Variants in SOD1 observed in about 807,000 individuals in gnomAD.
The protein encoded by SOD1 is superoxide dismutase [Cu-Zn].
Under a neutral mutation model 15.9 loss-of-function variants are expected in SOD1, and 8 were observed. That is an observed-to-expected ratio of 0.50 (90% CI 0.30 to 0.91). SOD1 has a LOEUF of 0.91. Ranked by LOEUF, SOD1 falls within the 40% of genes least tolerant of loss-of-function variation. The pLI is 0.07. For missense variants in SOD1, 137 were observed against 194.5 expected (o/e 0.70, Z 1.76); for synonymous variants, 86 against 71.2 (o/e 1.21, Z -1.04).
intron 1 of SOD1, among the ~76,000 whole-genome samples, chr21:31,662,649 A>G (rs990925638): frequency 2.0e-5 from 3 of 152,226 alleles, no homozygotes; most frequent in Non-Finnish European, 4.4e-5. Flanking sequence ...AAGCAGTAGT[A>G]CGTCTGGTTA....
intron 2 of SOD1, 94 bp downstream of exon 2, chr21:31,663,980 T>C (rs1278880217): frequency 3.1e-6 from 3 of 956,076 alleles, no homozygotes; most frequent in Non-Finnish European, 5.0e-6. Flanking sequence ...CTCAACTTGT[T>C]TTTGTTTTTG....
At chr21:31,665,033 C>T (rs76067554) in intron 2 of SOD1, among the ~76,000 whole-genome samples, 2 of 152,104 alleles carry the variant, frequency 1.3e-5, no homozygotes, top group African/African-American at 4.8e-5. Flanking sequence ...AGCAAAGGGG[C>T]TGCATTTATT....
At chr21:31,665,970 GTT>G (rs397866461) in intron 2 of SOD1, among the ~76,000 whole-genome samples, 25 of 128,256 alleles carry the variant, frequency 1.9e-4, no homozygotes, top group Admixed American at 6.5e-4. Flanking sequence ...ACTTGGTGGG[GTT>G]TTTTTTTTTT....
chr21:31,663,560 G>C (rs2049567272), intron 1 of SOD1, among the ~76,000 whole-genome samples: 1 of 152,190 alleles, frequency 6.6e-6, no homozygotes, highest in Admixed American at 6.5e-5. Context: ...CAGGGTGCTT[G>C]TGCATTGAGT....
intron 1 of SOD1, among the ~76,000 whole-genome samples, chr21:31,663,162 G>A (rs2049563534): frequency 6.6e-6 from 1 of 150,822 alleles, no homozygotes; most frequent in South Asian, 2.1e-4. Context: ...TATGCCATAT[G>A]GAAAAGGGTG....
chr21:31,668,533 C>A lies in SOD1; in HGVS notation c.420C>A (p.Asn140Lys), dbSNP rs1804449. ...GGNEESTKTG[N>K]AGSRLACGVI... ...ATGAAGAAAGTACAAAGACAGGAAACGCTGGAAGTCGTTTGGCTTGTGGTG... is the reference window on the plus strand; with the variant it reads ...ATGAAGAAAGTACAAAGACAGGAAAAGCTGGAAGTCGTTTGGCTTGTGGTG... Residue 140 changes from asparagine (N) to lysine (K), a missense_variant, in exon 5 of 5, where the codon AAC becomes AAA. Transcript: ENST00000270142. The A allele has an allele frequency of 6.2e-7, 1 of 1,613,904 alleles. No homozygotes were observed. Among genetic ancestry groups the A allele is most frequent in the African/African-American group, 1.3e-5 (1 of 75,028 alleles).
At position 31,667,238 on chromosome 21, in the gene SOD1, T is replaced by C; in HGVS notation, c.240-20T>C. On this transcript the variant is annotated intron_variant, in intron 3 of 4. Transcript: ENST00000270142. ...TTAGTGGCATCAGCCCTAATCCATC[T>C]GATGCTTTTTCATTATTAGGCATGT... 1 of 1,579,272 alleles carries C rather than the reference T, an allele frequency of 6.3e-7. No homozygotes were observed. Among genetic ancestry groups the C allele is most frequent in the Middle Eastern group, 1.7e-4 (1 of 5,996 alleles).
In SOD1 at chr21:31,663,821, G is replaced by C; in HGVS notation, c.104G>C (p.Ser35Thr). Reference protein sequence around the residue: ...ESNGPVKVWGSIKGLTEGLHG... With the variant: ...ESNGPVKVWGTIKGLTEGLHG... ...AATGGACCAGTGAAGGTGTGGGGAAGCATTAAAGGACTGACTGAAGGCCTG... is the reference window on the plus strand; with the variant it reads ...AATGGACCAGTGAAGGTGTGGGGAACCATTAAAGGACTGACTGAAGGCCTG... Residue 35 changes from serine (S) to threonine (T), a missense_variant, in exon 2 of 5, where the codon AGC becomes ACC. Ser to Thr is a moderately conservative substitution (Grantham distance 58, BLOSUM62 1). Coordinates refer to ENST00000270142, the MANE Select transcript of SOD1 (RefSeq NM_000454.5). 1 of 1,613,498 alleles carries C rather than the reference G, an allele frequency of 6.2e-7. No homozygotes were observed. The highest frequency in any genetic ancestry group is 2.2e-5 in the East Asian group (1 of 44,878).
At chr21:31,660,762 C>T (rs527845895) in intron 1 of SOD1, 19 of 152,306 alleles carry the variant, frequency 1.2e-4, no homozygotes, top group African/African-American at 4.1e-4. Flanking sequence ...TGTGCACCTA[C>T]GATTGAGAAC....
Position 31,663,799 on chromosome 21 carries a change from G to A in SOD1, c.82G>A (p.Gly28Arg). 5 of 1,611,574 alleles carry A rather than the reference G, an allele frequency of 3.1e-6. No homozygotes were observed. The highest frequency in any genetic ancestry group is 2.2e-5 in the South Asian group (2 of 91,022). Residue 28 changes from glycine to arginine, a missense_variant, in exon 2 of 5, where the codon GGA (glycine) becomes AGA (arginine). Coordinates refer to ENST00000270142, the MANE Select transcript of SOD1 (RefSeq NM_000454.5). ...IINFEQKESN[G>R]PVKVWGSIKG... The stretch of plus-strand genomic sequence containing the variant: ...TGCACTTTTCTTAAAGGAAAGTAAT[G>A]GACCAGTGAAGGTGTGGGGAAGCAT...
intron 2 of SOD1, among the ~76,000 whole-genome samples, chr21:31,665,163 A>C (rs2049582418): frequency 1.3e-5 from 2 of 152,092 alleles, no homozygotes; most frequent in Admixed American, 1.3e-4. Flanking sequence ...AATATGCTTA[A>C]AAAAAATTTT....
At chr21:31,665,299 T>C (rs1453132424) in intron 2 of SOD1, among the ~76,000 whole-genome samples, 4 of 152,204 alleles carry the variant, frequency 2.6e-5, no homozygotes, top group African/African-American at 9.6e-5. Flanking sequence ...TAAGTTGCAT[T>C]TAGTGATCTT....
At chr21:31,664,303 T>C (rs528604003) in intron 2 of SOD1, 42 of 281,232 alleles carry the variant, frequency 1.5e-4, no homozygotes, top group African/African-American at 9.1e-4. Flanking sequence ...AAAAAAGAGG[T>C]CAACTTTATT....
Position 31,666,529 on chromosome 21 carries a change from G to A in SOD1, c.239+11G>A, listed in dbSNP as rs1417956404. On this transcript the variant is annotated intron_variant, in intron 3 of 4. Transcript: ENST00000270142. ...AAAGGATGAAGAGAGGTAACAAGAT[G>A]CTTAACTCTTGTAATAATGGCGATA... 1.3e-6 allele frequency: 2 copies of A among 1,585,286 alleles called. No individual in the cohort carries two copies. Among genetic ancestry groups the A allele is most frequent in the Admixed American group, 3.3e-5 (2 of 59,824 alleles).
intron 1 of SOD1, among the ~76,000 whole-genome samples, chr21:31,660,917 C>CAGT (rs2049543457): frequency 6.6e-6 from 1 of 152,194 alleles, no homozygotes; most frequent in Non-Finnish European, 1.5e-5. Flanking sequence ...ATTGCTCTGC[C>CAGT]AGTAGGCAGG....
chr21:31,662,036 A>C (rs750341877), intron 1 of SOD1, among the ~76,000 whole-genome samples: 8 of 152,190 alleles, frequency 5.3e-5, no homozygotes, highest in Non-Finnish European at 5.9e-5. Flanking sequence ...AGCCCAGGAC[A>C]GTACTGCTGT....
chr21:31,667,461 TA>T (rs3216079), intron 4 of SOD1, 86 bp downstream of exon 4: 111,385 of 1,001,226 alleles, frequency 0.11, 13,009 homozygotes, highest in East Asian at 0.52. Context: ...TCGCGGTTTC[TA>T]AAGATCCAGA....
chr21:31,659,703 C>A lies in SOD1; in HGVS notation c.-67C>A. On this transcript the variant is annotated 5_prime_UTR_variant, in exon 1 of 5. Coordinates refer to ENST00000270142, the MANE Select transcript of SOD1 (RefSeq NM_000454.5). ...ACGGGGTGCTGGTTTGCGTCGTAGT[C>A]TCCTGCAGCGTCTGGGGTTTCCGTT... is the stretch of plus-strand genomic sequence containing the variant. 2 of 1,537,256 alleles carry A rather than the reference C, an allele frequency of 1.3e-6. No homozygotes were observed. The highest frequency in any genetic ancestry group is 9.0e-7 in the Non-Finnish European group (1 of 1,111,032).
In SOD1 at chr21:31,668,534, G is replaced by A. The variant is rs1217353001; in HGVS notation, c.421G>A (p.Ala141Thr). ...GNEESTKTGN[A>T]GSRLACGVIG... ...TGAAGAAAGTACAAAGACAGGAAACGCTGGAAGTCGTTTGGCTTGTGGTGT... is the reference window on the plus strand; with the variant it reads ...TGAAGAAAGTACAAAGACAGGAAACACTGGAAGTCGTTTGGCTTGTGGTGT... Residue 141 changes from alanine to threonine, a missense_variant, in exon 5 of 5, where the codon GCT (alanine) becomes ACT (threonine). Transcript: ENST00000270142. 6.2e-7 allele frequency: 1 copy of A among 1,613,908 alleles called. No homozygotes were observed. Among genetic ancestry groups the A allele is most frequent in the Non-Finnish European group, 8.5e-7 (1 of 1,179,844 alleles).
Sources: gnomAD v4.1 joint callset for allele counts (sites outside exome capture counted in the v4.1 genomes callset) on GRCh38, gnomAD v4.1.1 for gene constraint, MANE v1.5 for transcripts, NCBI Gene and HGNC (gene_info 2026-07-23, HGNC 2026-07-21) for gene names.